Variants in SGF29 observed in about 807,000 individuals in gnomAD.
SGF29 encodes the protein SAGA complex associated factor 29.
SGF29 carries 15 observed loss-of-function variants against 38.1 expected under a neutral mutation model. The ratio of observed to expected loss-of-function variants is 0.39; its 90% CI spans 0.26 to 0.61. The LOEUF (loss-of-function observed/expected upper bound fraction) is 0.61. Ranked by LOEUF, SGF29 falls within the 20% of genes least tolerant of loss-of-function variation. The probability of loss-of-function intolerance (pLI) is 0.49; values close to 1 mark genes in which losing one functional copy is unlikely to be tolerated. For synonymous variants in SGF29, 151 were observed against 160.8 expected (o/e 0.94, Z 0.46); for missense variants, 184 against 394.6 (o/e 0.47, Z 4.52).
chr16:28,570,842 T>C (rs2046860852), intron 1 of SGF29, among the ~76,000 whole-genome samples: 1 of 151,890 alleles, frequency 6.6e-6, no homozygotes, highest in Non-Finnish European at 1.5e-5. Context: ...TTTCCCAGAG[T>C]GTGGGATTAC....
chr16:28,588,080 G>A (rs758848512), intron 4 of SGF29, among the ~76,000 whole-genome samples: 3 of 152,130 alleles, frequency 2.0e-5, no homozygotes, highest in African/African-American at 4.8e-5. Flanking sequence ...GATTACAGGC[G>A]TGAGCCACCA....
intron 1 of SGF29, among the ~76,000 whole-genome samples, chr16:28,564,583 A>ATATATATATACG (rs1567285675): frequency 2.3e-5 from 3 of 129,704 alleles, no homozygotes; most frequent in South Asian, 2.2e-4. Context: ...ATATACACGT[A>ATATATATATACG]TATATATACA....
rs371361200 is a variant in SGF29 at position 28,578,786 on chromosome 16, C to G, written c.-15-2269C>G. On this transcript the variant is annotated intron_variant, in intron 1 of 9. Transcript: ENST00000317058. ...TGAAACCCCGTCTCTACTAAAAATA[C>G]AAAAAATTAGCCAGGCAAGGTGGCG... Among the ~76,000 whole-genome samples, 153 of 151,028 alleles carry G rather than the reference C, an allele frequency of 1.0e-3. 4 individuals carry two copies. The East Asian group carries it at 0.025, about 24-fold the overall frequency.
intron 1 of SGF29, among the ~76,000 whole-genome samples, chr16:28,579,075 C>T (rs1240365735): frequency 6.6e-6 from 1 of 152,130 alleles, no homozygotes; most frequent in South Asian, 2.1e-4. Context: ...GTGTTAGTCA[C>T]TGCCCCCAGC....
chr16:28,559,166 T>A (rs1296654518), intron 1 of SGF29, among the ~76,000 whole-genome samples: 1 of 151,904 alleles, frequency 6.6e-6, no homozygotes, highest in Non-Finnish European at 1.5e-5. Context: ...CAGAAAATTA[T>A]AAAATTAGCT....
chr16:28,584,920 G>T lies in SGF29; in HGVS notation c.83G>T (p.Arg28Leu), dbSNP rs763940356. The T allele has an allele frequency of 6.2e-7, 1 of 1,613,380 alleles. No individual in the cohort carries two copies. Among genetic ancestry groups the T allele is most frequent in the Middle Eastern group, 1.7e-4 (1 of 6,030 alleles). Reference sequence around the variant, plus strand: ...CTGCTCTTTTCCTTACAGGAAGAGCGTTCGCGGAGCGAACACAACTTAGTG... The same window carrying T: ...CTGCTCTTTTCCTTACAGGAAGAGCTTTCGCGGAGCGAACACAACTTAGTG... ...HQLIKQTQEERSRSEHNLVNI... is the reference protein window; with the variant it reads ...HQLIKQTQEELSRSEHNLVNI... Residue 28 changes from arginine (R) to leucine (L), a missense_variant, in exon 3 of 10, where the codon CGT (arginine) becomes CTT (leucine). By Grantham distance (102) the Arg-to-Leu change is moderately radical (BLOSUM62 -2). Transcript: ENST00000317058.
At chr16:28,574,294 C>G (rs1415521948) in intron 1 of SGF29, among the ~76,000 whole-genome samples, 1 of 152,174 alleles carries the variant, frequency 6.6e-6, no homozygotes. Flanking sequence ...TCCCATGATT[C>G]TTCCCTCACG....
chr16:28,559,670 C>T (rs2151641093), intron 1 of SGF29, among the ~76,000 whole-genome samples: 1 of 152,116 alleles, frequency 6.6e-6, no homozygotes, highest in East Asian at 1.9e-4. Context: ...GCCACCGCAC[C>T]CGGCCCATTA....
chr16:28,556,938 G>A (rs1022208415), intron 1 of SGF29, among the ~76,000 whole-genome samples: 5 of 152,280 alleles, frequency 3.3e-5, no homozygotes, highest in Middle Eastern at 3.4e-3. Flanking sequence ...ATGAGCCACT[G>A]CACCCAGTTT....
intron 4 of SGF29, among the ~76,000 whole-genome samples, chr16:28,588,877 C>G (rs572145324): frequency 1.8e-4 from 24 of 132,906 alleles, no homozygotes; most frequent in Non-Finnish European, 3.1e-4. Flanking sequence ...GGGCAGATTT[C>G]TAGTTTCACC....
chr16:28,558,065 C>T (rs1029932234), intron 1 of SGF29, among the ~76,000 whole-genome samples: 2 of 146,408 alleles, frequency 1.4e-5, no homozygotes, highest in African/African-American at 5.1e-5. Context: ...CTGCCTCAGC[C>T]TCCTGAAAGC....
rs2046823802 is a variant in SGF29, at chr16:28,564,746, T to TATATATGTATATATATAC, written c.-16+10655_-16+10656insGTATATATATACATATAT. The stretch of plus-strand genomic sequence containing the variant: ...ATATATACATATATATGTATATATG[T>TATATATGTATATATATAC]ATATATATGTATATATGTATATATA... On this transcript the variant is annotated intron_variant, in intron 1 of 9. Transcript: ENST00000317058. Among the ~76,000 whole-genome samples, 37 of 24,842 alleles carry TATATATGTATATATATAC rather than the reference T, an allele frequency of 1.5e-3. 1 individual carries two copies. The highest frequency in any genetic ancestry group is 0.014 in the Middle Eastern group (1 of 70). The allele number at this position is 24,842 out of a possible 152,430, so 16.3% of individuals were successfully genotyped here.
At chr16:28,585,298 G>A (rs946247691) in intron 3 of SGF29, 21 of 528,144 alleles carry the variant, frequency 4.0e-5, no homozygotes, top group Non-Finnish European at 6.1e-5. Context: ...CCCTGCATCT[G>A]CCCTGAGGCC....
chr16:28,588,476 C>T, intron 4 of SGF29: 1 of 342,140 alleles, frequency 2.9e-6, no homozygotes, highest in Non-Finnish European at 5.7e-6. Flanking sequence ...TCTCTGGGAT[C>T]CTGTGTTCTC....
At chr16:28,564,663 A>ATG (rs1555474839) in intron 1 of SGF29, among the ~76,000 whole-genome samples, 1 of 84,098 alleles carries the variant, frequency 1.2e-5, no homozygotes, top group Non-Finnish European at 2.6e-5. Context: ...ACGTATATAT[A>ATG]TGCATATATA....
At chr16:28,591,045 C>T in intron 9 of SGF29, 110 bp downstream of exon 9, 1 of 1,346,264 alleles carries the variant, frequency 7.4e-7, no homozygotes, top group South Asian at 1.5e-5. Context: ...TCACAGGCTC[C>T]AAGCTGACAG....
At chr16:28,567,751 T>G (rs1489493815) in intron 1 of SGF29, among the ~76,000 whole-genome samples, 1 of 152,164 alleles carries the variant, frequency 6.6e-6, no homozygotes, top group African/African-American at 2.4e-5. Flanking sequence ...TGATGAGATC[T>G]CAGATGGAAA....
intron 1 of SGF29, among the ~76,000 whole-genome samples, chr16:28,559,528 T>C (rs2046773071): frequency 6.6e-6 from 1 of 152,080 alleles, no homozygotes; most frequent in South Asian, 2.1e-4. Flanking sequence ...GGATTACAGG[T>C]GTGTGCCACC....
chr16:28,587,205 C>G (rs2046960330), intron 4 of SGF29, among the ~76,000 whole-genome samples: 1 of 152,164 alleles, frequency 6.6e-6, no homozygotes, highest in African/African-American at 2.4e-5. Flanking sequence ...CTATCCTGTT[C>G]ATATCAAACA....
Sources: allele counts gnomAD v4.1 joint callset (sites outside exome capture counted in the v4.1 genomes callset), GRCh38; gene constraint gnomAD v4.1.1; transcripts MANE v1.5; gene names NCBI Gene and HGNC (gene_info 2026-07-23, HGNC 2026-07-21).